Variants in DUOX1 observed in about 807,000 individuals in gnomAD.
DUOX1 encodes the protein dual oxidase 1, also known as NADPH thyroid oxidase 1.
DUOX1 carries 134 observed loss-of-function variants against 181.8 expected under a neutral mutation model. The observed-to-expected ratio is 0.74, with a 90% CI of 0.64 to 0.85. The LOEUF is 0.85. Ranked by LOEUF, DUOX1 falls within the 40% of genes least tolerant of loss-of-function variation. DUOX1 has a pLI of 0.00. For missense variants in DUOX1, 1,814 were observed against 2,064.4 expected, an observed-to-expected ratio of 0.88 and a Z score of 2.35; for synonymous variants, 798 against 832.5, an observed-to-expected ratio of 0.96 and a Z score of 0.71.
intron 1 of DUOX1, 52 bp from the exon 2 acceptor site, chr15:45,131,866 C>T (rs1000483424): frequency 2.9e-5 from 38 of 1,307,578 alleles, no homozygotes; most frequent in Non-Finnish European, 4.2e-5. Flanking sequence ...CAGAGTCTTT[C>T]ACCTGATTCT....
At chr15:45,146,830 C>G (rs771998360) in intron 18 of DUOX1, among the ~76,000 whole-genome samples, 11 of 152,272 alleles carry the variant, frequency 7.2e-5, no homozygotes, top group Non-Finnish European at 1.5e-4. Flanking sequence ...TCCTCACTGT[C>G]TGTTCTCTCA....
intron 18 of DUOX1, among the ~76,000 whole-genome samples, chr15:45,145,580 C>T (rs1311294186): frequency 1.3e-5 from 2 of 152,122 alleles, no homozygotes; most frequent in Admixed American, 1.3e-4. Context: ...AAAATAGAGG[C>T]AGCCTGGGAG....
In DUOX1 at chr15:45,153,494, ATGTGTGTGTGTGTG is replaced by A. The variant is rs58154992; in HGVS notation, c.3524+55_3524+68del. ...CATGATGATGGGTGAGTAAGTGCGA[ATGTGTGTGTGTGTG>A]TGTGTGTGTGTGTGTGTGTGTGTGT... On this transcript the variant is annotated intron_variant, in intron 26 of 33. Transcript: ENST00000389037. 88,083 of 838,064 alleles carry A rather than the reference ATGTGTGTGTGTGTG, an allele frequency of 0.11. 3,468 individuals carry two copies. The highest frequency in any genetic ancestry group is 0.23 in the Admixed American group (9,200 of 39,646). The allele number at this position is 838,064 out of a possible 1,614,324, so 51.9% of individuals were successfully genotyped here.
intron 21 of DUOX1, 156 bp from the exon 22 acceptor site, chr15:45,150,476 A>C (rs1896771357): frequency 3.0e-6 from 2 of 665,396 alleles, no homozygotes; most frequent in Non-Finnish European, 5.1e-6. Context: ...CATTGGGGAC[A>C]AGGGCTGAGG....
At chr15:45,131,757 C>A in intron 1 of DUOX1, 161 bp from the exon 2 acceptor site, 1 of 597,578 alleles carries the variant, frequency 1.7e-6, no homozygotes, top group African/African-American at 1.9e-5. Context: ...GAAGTATTTG[C>A]CGAATCAATT....
chr15:45,162,300 G>A lies in DUOX1; in HGVS notation c.4171G>A (p.Gly1391Arg). 1 of 1,613,998 alleles carries A rather than the reference G, an allele frequency of 6.2e-7. No homozygotes were observed. Among genetic ancestry groups the A allele is most frequent in the Non-Finnish European group, 8.5e-7 (1 of 1,179,960 alleles). The change falls in exon 31 of 34, where the codon GGG becomes AGG. Residue 1391 changes from glycine (G) to arginine (R), a missense_variant. Around this residue, in one of 5 missense-constraint regions of DUOX1, gnomAD observed 279 missense variants for 381.9 expected, o/e 0.73. Coordinates refer to ENST00000389037, the MANE Select transcript of DUOX1 (RefSeq NM_175940.3). ...EVSVLVGGGI[G>R]VTPFASILKD... is the part of the protein sequence containing the mutation. ...GTCAGTGTTAGTGGGAGGGGGCATT[G>A]GGGTCACCCCTTTTGCCTCCATCCT...
intron 31 of DUOX1, 77 bp downstream of exon 31, chr15:45,162,454 C>T (rs1897133956): frequency 1.9e-6 from 3 of 1,546,900 alleles, no homozygotes; most frequent in Middle Eastern, 3.5e-4. Context: ...CCTTTCTCCT[C>T]TGCCTTTGTT....
At position 45,156,050 on chromosome 15, in the gene DUOX1, G is replaced by A. The variant is rs115375078; in HGVS notation, c.3702+121G>A. 8,963 of 1,351,520 alleles carry A rather than the reference G, an allele frequency of 6.6e-3. 358 individuals carry two copies. The African/African-American group carries it at 0.093, about 14-fold the overall frequency. 83.7% of individuals were successfully genotyped at this position (1,351,520 alleles called of 1,614,324 possible). A position where few individuals can be genotyped will look rare whatever the true frequency, so the allele number is the denominator to read the frequency against. The stretch of plus-strand genomic sequence containing the variant: ...ATTTGAAGCATCCTCTTCACTTCTC[G>A]ACGTCCCTCTTTGAAGGTGGAGATG... On this transcript the variant is annotated intron_variant, in intron 28 of 33. Transcript: ENST00000389037.
At chr15:45,142,179 C>A in intron 15 of DUOX1, 67 bp downstream of exon 15, 1 of 1,551,708 alleles carries the variant, frequency 6.4e-7, no homozygotes, top group South Asian at 1.2e-5. Context: ...TGGGTGGTTC[C>A]ACTAATGACA....
At chr15:45,147,114 G>A (rs1218643385) in intron 18 of DUOX1, among the ~76,000 whole-genome samples, 1 of 152,220 alleles carries the variant, frequency 6.6e-6, no homozygotes, top group East Asian at 1.9e-4. Flanking sequence ...TCCTCCCCTA[G>A]GCTGCCTTTG....
Position 45,144,131 on chromosome 15 carries a change from C to T in DUOX1, c.2032C>T (p.Leu678Phe), listed in dbSNP as rs1266707680. Residue 678 changes from leucine to phenylalanine, a missense_variant, in exon 17 of 34, where the codon CTC becomes TTC. Coordinates refer to ENST00000389037, the MANE Select transcript of DUOX1 (RefSeq NM_175940.3). ...TGTGGTAGATGGCAGGCTCACCGTG[C>T]TCCGCACCATCCAGCTGCAGCCTCC... is the stretch of plus-strand genomic sequence containing the variant. ...IRVVDGRLTV[L>F]RTIQLQPPQK... 1.2e-6 allele frequency: 2 copies of T among 1,614,066 alleles called. No individual in the cohort carries two copies. Among genetic ancestry groups the T allele is most frequent in the Non-Finnish European group, 1.7e-6 (2 of 1,180,054 alleles).
chr15:45,157,070 C>A (rs1006343144), intron 28 of DUOX1, among the ~76,000 whole-genome samples: 1 of 152,212 alleles, frequency 6.6e-6, no homozygotes, highest in African/African-American at 2.4e-5. Flanking sequence ...TGCACCATGG[C>A]CTCGGTCAGG....
At chr15:45,155,569 CAAAAAAAAAA>C in intron 27 of DUOX1, 2 of 306,376 alleles carry the variant, frequency 6.5e-6, no homozygotes, top group South Asian at 3.6e-5. Flanking sequence ...GACTCCATCT[CAAAAAAAAAA>C]AAAAAAAAAA....
chr15:45,150,766 G>T, intron 22 of DUOX1, 65 bp downstream of exon 22: 1 of 1,518,186 alleles, frequency 6.6e-7, no homozygotes, highest in Non-Finnish European at 9.1e-7. Flanking sequence ...TCCCCTGAAT[G>T]GCTGGGATCA....
intron 14 of DUOX1, 33 bp from the exon 15 acceptor site, chr15:45,141,942 C>G (rs376201637): frequency 1.3e-6 from 2 of 1,589,920 alleles, no homozygotes; most frequent in Non-Finnish European, 8.6e-7. Context: ...TGTGGCCCAG[C>G]ACCCAGGACG....
intron 30 of DUOX1, 22 bp downstream of exon 30, chr15:45,161,992 T>G (rs765741094): frequency 1.2e-5 from 19 of 1,588,812 alleles, no homozygotes; most frequent in African/African-American, 8.1e-5. Flanking sequence ...TGGCCAGACA[T>G]GCCACATGCG....
At position 45,152,354 on chromosome 15, in the gene DUOX1, G is replaced by C. The variant is rs778819025; in HGVS notation, c.3262G>C (p.Gly1088Arg). ...TTRVGIILSR[G>R]TAASISFMFS... ...CCGCGTGGGAATCATCCTGTCGCGG[G>C]GCACAGCAGCCAGCATCTCTTTCAT... Residue 1088 changes from glycine (G) to arginine (R), a missense_variant, in exon 25 of 34, where the codon GGC becomes CGC. Physicochemically the swap from Gly to Arg is moderately radical, Grantham distance 125. Transcript: ENST00000389037. The C allele has an allele frequency of 3.1e-6, 5 of 1,614,100 alleles. No individual in the cohort carries two copies. In the South Asian group the frequency reaches 5.5e-5, roughly 18 times the overall value.
chr15:45,148,048 G>C (rs767136880), intron 20 of DUOX1, 51 bp downstream of exon 20: 1 of 1,516,714 alleles, frequency 6.6e-7, no homozygotes, highest in Non-Finnish European at 9.2e-7. Flanking sequence ...GGATGCCAGG[G>C]CAAATAGATG....
At chr15:45,132,117 C>A in intron 2 of DUOX1, 93 bp downstream of exon 2, 3 of 1,173,072 alleles carry the variant, frequency 2.6e-6, no homozygotes, top group East Asian at 2.4e-5. Context: ...TGATATTCAT[C>A]TGTATCTTTA....
Sources: gnomAD v4.1 joint callset for allele counts (sites outside exome capture counted in the v4.1 genomes callset) on GRCh38, gnomAD v4.1.1 for gene constraint, gnomAD v4.1.1 regional missense constraint, MANE v1.5 for transcripts, NCBI Gene and HGNC (gene_info 2026-07-23, HGNC 2026-07-21) for gene names.